The following USP22 variants were observed in gnomAD, a reference collection of about 807,000 sequenced individuals.
The protein encoded by USP22 is ubiquitin carboxyl-terminal hydrolase 22.
Under a neutral mutation model 68.1 loss-of-function variants are expected in USP22, and 22 were observed. The observed-to-expected ratio is 0.32, with a 90% CI of 0.23 to 0.46. The LOEUF is 0.46. USP22 is among the 20% of genes least tolerant of loss of function. The pLI, the probability that USP22 is intolerant of heterozygous loss-of-function variation, is 1.00. For synonymous variants in USP22, 279 were observed against 274.2 expected (o/e 1.02, Z -0.17); for missense variants, 433 against 695.8 (o/e 0.62, Z 4.25).
chr17:21,032,554 T>TA (rs1972303053), intron 1 of USP22, among the ~76,000 whole-genome samples: 1 of 152,180 alleles, frequency 6.6e-6, no homozygotes, highest in Admixed American at 6.5e-5. Context: ...TGTTCTAAGT[T>TA]AATCGGTTTG....
intron 2 of USP22, among the ~76,000 whole-genome samples, chr17:21,027,628 A>G (rs1484085116): frequency 1.3e-5 from 2 of 152,222 alleles, no homozygotes; most frequent in Non-Finnish European, 2.9e-5. Context: ...GAGCATTCCA[A>G]GGAAAACACT....
intron 1 of USP22, among the ~76,000 whole-genome samples, chr17:21,039,594 C>G (rs1433997350): frequency 3.3e-5 from 5 of 152,190 alleles, no homozygotes; most frequent in East Asian, 1.9e-4. Flanking sequence ...GCAATTCAAG[C>G]TTCTTTTGGA....
intron 10 of USP22, among the ~76,000 whole-genome samples, chr17:21,006,206 A>T (rs1205931319): frequency 6.6e-6 from 1 of 152,214 alleles, no homozygotes; most frequent in East Asian, 1.9e-4. Context: ...ATGCATTAGT[A>T]AGCAGCTGAA....
rs113442440 is a variant in USP22 at position 21,012,270 on chromosome 17, A to C, written c.944+560T>G. 4.2e-4 allele frequency among the ~76,000 whole-genome samples: 64 copies of C among 152,190 alleles called. 1 individual carries two copies. The highest frequency in any genetic ancestry group is 1.4e-3 in the African/African-American group (60 of 41,544). On this transcript the variant is annotated intron_variant, in intron 7 of 12. Coordinates refer to ENST00000261497, the MANE Select transcript of USP22 (RefSeq NM_015276.2). ...AAGACCCCATGCCTGAAAAAAACAA[A>C]AACAAAAACAAAAAACCTGTAGCAT...
intron 1 of USP22, among the ~76,000 whole-genome samples, chr17:21,029,225 G>A (rs762166527): frequency 1.3e-5 from 2 of 152,136 alleles, no homozygotes; most frequent in Non-Finnish European, 1.5e-5. Context: ...GTAAACAACC[G>A]TTACACCCCC....
At chr17:21,036,030 CAAAAAAAAAAAAA>C (rs35324126) in intron 1 of USP22, among the ~76,000 whole-genome samples, 8 of 59,642 alleles carry the variant, frequency 1.3e-4, no homozygotes, top group African/African-American at 4.4e-4. Context: ...GACTCCGTCT[CAAAAAAAAAAAAA>C]AAAAAAAAAA....
rs112166744 is a variant in USP22 at position 21,037,463 on chromosome 17, G to A, written c.171+5202C>T. On this transcript the variant is annotated intron_variant, in intron 1 of 12. Transcript: ENST00000261497. The stretch of plus-strand genomic sequence containing the variant: ...CTTGACAGCATCATCCTTAATTTAC[G>A]GGAATGAGAAGGGCACTTCATCTCC... 4.5e-4 allele frequency among the ~76,000 whole-genome samples: 68 copies of A among 152,266 alleles called. 1 individual carries two copies. The highest frequency in any genetic ancestry group is 1.4e-3 in the African/African-American group (60 of 41,536).
At position 21,020,244 on chromosome 17, in the gene USP22, C is replaced by CAAAAAAAAAAAAAAAAAAAAA. The variant is rs3047597; in HGVS notation, c.418+848_418+868dup. 3.4e-4 allele frequency among the ~76,000 whole-genome samples: 25 copies of CAAAAAAAAAAAAAAAAAAAAA among 73,280 alleles called. 1 individual carries two copies. Among genetic ancestry groups the CAAAAAAAAAAAAAAAAAAAAA allele is most frequent in the South Asian group, 5.4e-4 (1 of 1,836 alleles). 48.1% of individuals were successfully genotyped at this position (73,280 alleles called of 152,430 possible). A position where few individuals can be genotyped will look rare whatever the true frequency, so the allele number is the denominator to read the frequency against. On this transcript the variant is annotated intron_variant, in intron 3 of 12. Coordinates refer to ENST00000261497, the MANE Select transcript of USP22 (RefSeq NM_015276.2). ...ATGAGCATCTGTCAGAATCAAAAACCAAAAAAAAAAAAAAAAAAAAAAAAA... is the reference window on the plus strand; with the variant it reads ...ATGAGCATCTGTCAGAATCAAAAACCAAAAAAAAAAAAAAAAAAAAAAAAAAAAAAAAAAAAAAAAAAAAAA...
chr17:21,032,867 G>T (rs774448600), intron 1 of USP22, among the ~76,000 whole-genome samples: 12 of 139,104 alleles, frequency 8.6e-5, no homozygotes, highest in Non-Finnish European at 1.6e-4. Flanking sequence ...AGGCTGCAGT[G>T]AGCCAAGATC....
At chr17:21,040,399 A>T (rs1972412263) in intron 1 of USP22, among the ~76,000 whole-genome samples, 1 of 152,194 alleles carries the variant, frequency 6.6e-6, no homozygotes, top group South Asian at 2.1e-4. Flanking sequence ...CAGAGGAAAA[A>T]GCATGGAGGG....
chr17:21,022,227 G>A (rs186313496), intron 2 of USP22, among the ~76,000 whole-genome samples: 31 of 152,208 alleles, frequency 2.0e-4, no homozygotes, highest in East Asian at 1.7e-3. Flanking sequence ...GTTCACAGTC[G>A]TTTCCTTTGG....
intron 2 of USP22, 148 bp from the exon 3 acceptor site, chr17:21,021,374 G>T: frequency 1.6e-6 from 1 of 630,232 alleles, no homozygotes; most frequent in East Asian, 2.8e-5. Context: ...CAGTCCAGCG[G>T]AGTCTCCTAT....
At chr17:21,008,084 G>A in intron 8 of USP22, 88 bp from the exon 9 acceptor site, 1 of 1,464,956 alleles carries the variant, frequency 6.8e-7, no homozygotes, top group Non-Finnish European at 9.2e-7. Context: ...CTCTTTCATT[G>A]GGTTGATTTC....
intron 1 of USP22, among the ~76,000 whole-genome samples, chr17:21,031,025 A>C (rs1358084880): frequency 6.6e-6 from 1 of 152,254 alleles, no homozygotes; most frequent in Non-Finnish European, 1.5e-5. Flanking sequence ...ACAGACATAA[A>C]ACCAGTTAGC....
intron 11 of USP22, among the ~76,000 whole-genome samples, 195 bp downstream of exon 11, chr17:21,004,733 G>A (rs1913724254): frequency 6.6e-6 from 1 of 152,238 alleles, no homozygotes; most frequent in African/African-American, 2.4e-5. Flanking sequence ...TCCAACAGGA[G>A]GGAGCATTTG....
chr17:21,004,363 G>A lies in USP22; in HGVS notation c.1386-12C>T, dbSNP rs760481126. ...CAAACAGGGAATACCTAGTGCAGGA[G>A]CAAAGGAGAGGGAGGGCGCAGGTGA... On this transcript the variant is annotated splice_polypyrimidine_tract_variant and intron_variant, in intron 11 of 12. Transcript: ENST00000261497. 5.6e-6 allele frequency: 9 copies of A among 1,613,168 alleles called. No individual in the cohort carries two copies. In the East Asian group the frequency reaches 1.3e-4, roughly 24 times the overall value.
intron 2 of USP22, among the ~76,000 whole-genome samples, chr17:21,022,582 G>A (rs1461675786): frequency 6.6e-6 from 1 of 152,008 alleles, no homozygotes; most frequent in Non-Finnish European, 1.5e-5. Context: ...GGCAGATCAC[G>A]AGGTCAGGAG....
In USP22 at chr17:21,013,891, G is replaced by A. The variant is rs181913243; in HGVS notation, c.839-956C>T. Among the ~76,000 whole-genome samples, 420 of 152,310 alleles carry A rather than the reference G, an allele frequency of 2.8e-3. 3 individuals are homozygous for A. The highest frequency in any genetic ancestry group is 9.6e-3 in the African/African-American group (400 of 41,572). On this transcript the variant is annotated intron_variant, in intron 6 of 12. Transcript: ENST00000261497. ...AGACCGAGACCATCCTGGCTAACAC[G>A]GTGAAACCCCGTCTCTACTAAAAAT...
At chr17:21,013,159 A>AC (rs1914021041) in intron 6 of USP22, among the ~76,000 whole-genome samples, 2 of 152,236 alleles carry the variant, frequency 1.3e-5, no homozygotes, top group African/African-American at 4.8e-5. Flanking sequence ...TTCCCTAACA[A>AC]GAGCCCCACA....
Sources: allele counts gnomAD v4.1 joint callset (sites outside exome capture counted in the v4.1 genomes callset), GRCh38; gene constraint gnomAD v4.1.1; transcripts MANE v1.5; gene names NCBI Gene and HGNC (gene_info 2026-07-23, HGNC 2026-07-21).